CRMP1: variants seen among roughly 807,000 people sequenced by gnomAD.
The protein encoded by CRMP1 is collapsin response mediator protein 1.
In CRMP1, 19 loss-of-function variants were observed where a neutral mutation model predicts 68.3. The ratio of observed to expected loss-of-function variants is 0.28; its 90% CI spans 0.19 to 0.41. The LOEUF (loss-of-function observed/expected upper bound fraction) is 0.41, where lower values mean the gene tolerates loss of function less well. Among genes scored for constraint, CRMP1 ranks in the 10% least tolerant of loss-of-function variants. The pLI is 1.00. For missense variants in CRMP1, 791 were observed against 967.4 expected (o/e 0.82, Z 2.42); for synonymous variants, 439 against 399.6 (o/e 1.10, Z -1.18).
Position 5,875,828 on chromosome 4 carries a change from T to G in CRMP1, c.382-9072A>C, listed in dbSNP as rs370036015. On this transcript the variant is annotated intron_variant, in intron 1 of 13. Coordinates refer to ENST00000324989, the MANE Select transcript of CRMP1 (RefSeq NM_001014809.3). Reference sequence around the variant, plus strand: ...CTACCACATCCAACCTTATAGTTTCTTACTGCTTTTCTTTCTCAGCTTCTT... The same window carrying G: ...CTACCACATCCAACCTTATAGTTTCGTACTGCTTTTCTTTCTCAGCTTCTT... 1.4e-3 allele frequency among the ~76,000 whole-genome samples: 199 copies of G among 147,128 alleles called. 3 individuals are homozygous for G. In the South Asian group the frequency reaches 0.029, roughly 21 times the overall value.
chr4:5,862,727 T>G (rs866925520), intron 2 of CRMP1, among the ~76,000 whole-genome samples: 1 of 152,214 alleles, frequency 6.6e-6, no homozygotes, highest in Non-Finnish European at 1.5e-5. Flanking sequence ...CACGTGAGTG[T>G]CAGCGGAATC....
intron 8 of CRMP1, among the ~76,000 whole-genome samples, chr4:5,840,752 T>A (rs1414161167): frequency 6.6e-6 from 1 of 152,226 alleles, no homozygotes; most frequent in Non-Finnish European, 1.5e-5. Flanking sequence ...GCTTCCAGAT[T>A]TCTGTAACCT....
chr4:5,833,205 C>T lies in CRMP1; in HGVS notation c.1623+2710G>A, dbSNP rs1024713096. 1.3e-4 allele frequency among the ~76,000 whole-genome samples: 16 copies of T among 120,342 alleles called. 2 individuals carry two copies. Among genetic ancestry groups the T allele is most frequent in the Non-Finnish European group, 2.5e-4 (15 of 59,642 alleles). The allele number at this position is 120,342 out of a possible 152,430, so 78.9% of individuals were successfully genotyped here. ...TTTTTGAGACGGAGTCTCGCTCTGT[C>T]GCCCAGGCTGGAGTGCAGTGGTGGG... On this transcript the variant is annotated intron_variant, in intron 11 of 13. Transcript: ENST00000324989.
intron 3 of CRMP1, among the ~76,000 whole-genome samples, chr4:5,856,895 CATCATT>C (rs1713121626): frequency 6.7e-6 from 1 of 150,268 alleles, no homozygotes; most frequent in African/African-American, 2.5e-5. Flanking sequence ...CCACCATCAT[CATCATT>C]ACTAACATTA....
At chr4:5,887,079 G>A (rs6841330) in intron 1 of CRMP1, among the ~76,000 whole-genome samples, 2,356 of 152,308 alleles carry the variant, frequency 0.015, 61 homozygotes, top group African/African-American at 0.053. Context: ...TTCCTGTGGT[G>A]GAAGCCCTCA....
In CRMP1 at chr4:5,879,151, C is replaced by T. The variant is rs1255128602; in HGVS notation, c.382-12395G>A. On this transcript the variant is annotated intron_variant, in intron 1 of 13. Transcript: ENST00000324989. This position sits in a 1 kb window ranked among gnomAD's most constrained non-coding sequence, Gnocchi z 4.2. ...GCTCACCTCCTAGGCTCTTCCCGGCCTGAGCCCGGCCCTCTCTCGGCCGCG... is the reference window on the plus strand; with the variant it reads ...GCTCACCTCCTAGGCTCTTCCCGGCTTGAGCCCGGCCCTCTCTCGGCCGCG... Among the ~76,000 whole-genome samples, 1 of 149,604 alleles carries T rather than the reference C, an allele frequency of 6.7e-6. No individual in the cohort carries two copies. Among genetic ancestry groups the T allele is most frequent in the Non-Finnish European group, 1.5e-5 (1 of 67,038 alleles).
chr4:5,835,686 G>A (rs1720681622), intron 11 of CRMP1, among the ~76,000 whole-genome samples: 1 of 152,234 alleles, frequency 6.6e-6, no homozygotes, highest in African/African-American at 2.4e-5. Context: ...GACAGAGAGA[G>A]AGGAGAGGAA....
rs1327934000 is a variant in CRMP1, at chr4:5,889,545, G to C, written c.381+3044C>G. The C allele has an allele frequency of 1.7e-5, 26 of 1,531,554 alleles. No homozygotes were observed. Among genetic ancestry groups the C allele is most frequent in the Non-Finnish European group, 1.2e-5 (14 of 1,142,956 alleles). The allele number at this position is 1,531,554 out of a possible 1,614,324, so 94.9% of individuals were successfully genotyped here. A position where few individuals can be genotyped will look rare whatever the true frequency, so the allele number is the denominator to read the frequency against. ...CAGAGGGGAAAAGATGAAAGAAGAT[G>C]GAGGAAAAGGGGGAGCCCCAGCAAG... On this transcript the variant is annotated intron_variant, in intron 1 of 13. Coordinates refer to ENST00000324989, the MANE Select transcript of CRMP1 (RefSeq NM_001014809.3). This position sits in a 1 kb window ranked among gnomAD's most constrained non-coding sequence, Gnocchi z 4.5.
At position 5,881,690 on chromosome 4, in the gene CRMP1, GC is replaced by G. The variant is rs1205573434; in HGVS notation, c.381+10898del. Among the ~76,000 whole-genome samples, 1 of 152,058 alleles carries G rather than the reference GC, an allele frequency of 6.6e-6. No homozygotes were observed. The highest frequency in any genetic ancestry group is 1.5e-5 in the Non-Finnish European group (1 of 68,028). On this transcript the variant is annotated intron_variant, in intron 1 of 13. Coordinates refer to ENST00000324989, the MANE Select transcript of CRMP1 (RefSeq NM_001014809.3). This position sits in a 1 kb window ranked among gnomAD's most constrained non-coding sequence, Gnocchi z 4.6. Reference sequence around the variant, plus strand: ...ATCTCTCTGCTTGTGAATACTCAGGGCTCCACCTGAGAGATGCTACAATAAT... The same window carrying G: ...ATCTCTCTGCTTGTGAATACTCAGGGTCCACCTGAGAGATGCTACAATAAT...
At position 5,825,111 on chromosome 4, in the gene CRMP1, A is replaced by G. The variant is rs17748512; in HGVS notation, c.1969+383T>C. 0.056 allele frequency: 55,016 copies of G among 985,356 alleles called. 1,579 individuals are homozygous for G. The highest frequency in any genetic ancestry group is 0.063 in the African/African-American group (3,593 of 57,340). 61.0% of individuals were successfully genotyped at this position (985,356 alleles called of 1,614,324 possible). ...CAGTGGGTGAACAGGCTAAAGACTTACACAGAGCACATGCCCTGCAAATGG... is the reference window on the plus strand; with the variant it reads ...CAGTGGGTGAACAGGCTAAAGACTTGCACAGAGCACATGCCCTGCAAATGG... On this transcript the variant is annotated intron_variant, in intron 13 of 13. Transcript: ENST00000324989. The surrounding 1 kb of genome is among the most constrained non-coding windows in gnomAD (Gnocchi z 4.4).
rs1715825459 is a variant in CRMP1, at chr4:5,889,171, G to C, written c.381+3418C>G. 6.6e-6 allele frequency among the ~76,000 whole-genome samples: 1 copy of C among 152,102 alleles called. No individual in the cohort carries two copies. ...ACCAGCCCTCCCTGGGGGCCTCTAA[G>C]GTGGAGCCCCCTAACTGGCAGAGGG... is the stretch of plus-strand genomic sequence containing the variant. On this transcript the variant is annotated intron_variant, in intron 1 of 13. Coordinates refer to ENST00000324989, the MANE Select transcript of CRMP1 (RefSeq NM_001014809.3). This position sits in a 1 kb window ranked among gnomAD's most constrained non-coding sequence, Gnocchi z 4.5.
At chr4:5,828,364 T>A in intron 12 of CRMP1, 125 bp downstream of exon 12, 1 of 1,442,774 alleles carries the variant, frequency 6.9e-7, no homozygotes, top group Non-Finnish European at 9.1e-7. Flanking sequence ...ATTTAACAGA[T>A]AAGGAAACGG....
At position 5,841,072 on chromosome 4, in the gene CRMP1, A is replaced by C. The variant is rs1711686068; in HGVS notation, c.1153+236T>G. On this transcript the variant is annotated intron_variant, in intron 8 of 13. Transcript: ENST00000324989. The surrounding 1 kb of genome is among the most constrained non-coding windows in gnomAD (Gnocchi z 6.9). ...AATTAATATGTGGATCCATTAGATT[A>C]AACATAATATATTATTAAAATTCTC... 6.6e-6 allele frequency among the ~76,000 whole-genome samples: 1 copy of C among 152,216 alleles called. No homozygotes were observed. Among genetic ancestry groups the C allele is most frequent in the African/African-American group, 2.4e-5 (1 of 41,458 alleles).
chr4:5,836,479 C>G (rs1257971198), intron 10 of CRMP1, among the ~76,000 whole-genome samples: 1 of 152,230 alleles, frequency 6.6e-6, no homozygotes, highest in Non-Finnish European at 1.5e-5. Flanking sequence ...CACAGCGTTA[C>G]AGAGCCATTT....
chr4:5,865,280 G>C lies in CRMP1; in HGVS notation c.470+1388C>G, dbSNP rs1225461586. Among the ~76,000 whole-genome samples the C allele has an allele frequency of 1.3e-5, 2 of 151,862 alleles. No homozygotes were observed. The highest frequency in any genetic ancestry group is 2.9e-5 in the Non-Finnish European group (2 of 67,976). On this transcript the variant is annotated intron_variant, in intron 2 of 13. Transcript: ENST00000324989. This position sits in a 1 kb window ranked among gnomAD's most constrained non-coding sequence, Gnocchi z 4.1. Reference sequence around the variant, plus strand: ...GAGGCTGAGCACCCAGCAAATCCAGGTTACAACTCACAGAAAGAGAACTGC... The same window carrying C: ...GAGGCTGAGCACCCAGCAAATCCAGCTTACAACTCACAGAAAGAGAACTGC...
At chr4:5,882,157 T>A (rs562476485) in intron 1 of CRMP1, among the ~76,000 whole-genome samples, 1 of 152,292 alleles carries the variant, frequency 6.6e-6, no homozygotes, top group East Asian at 1.9e-4. Flanking sequence ...TTTGTGCTTC[T>A]CTCCCACCGA....
At position 5,859,104 on chromosome 4, in the gene CRMP1, C is replaced by T. The variant is rs1247411439; in HGVS notation, c.655+1922G>A. 1.3e-5 allele frequency among the ~76,000 whole-genome samples: 2 copies of T among 152,212 alleles called. No homozygotes were observed. Among genetic ancestry groups the T allele is most frequent in the African/African-American group, 4.8e-5 (2 of 41,446 alleles). On this transcript the variant is annotated intron_variant, in intron 3 of 13. Transcript: ENST00000324989. This position sits in a 1 kb window ranked among gnomAD's most constrained non-coding sequence, Gnocchi z 5.2. ...AGTCATACATGTGGACGATTAGTGA[C>T]TCCCCAAGAGATGGCAGTCCCCTTG... is the stretch of plus-strand genomic sequence containing the variant.
chr4:5,867,309 T>C (rs1714066125), intron 1 of CRMP1, among the ~76,000 whole-genome samples: 1 of 152,176 alleles, frequency 6.6e-6, no homozygotes, highest in Non-Finnish European at 1.5e-5. Context: ...TGCCTCATCA[T>C]CTCGGCAGCC....
chr4:5,839,438 C>A (rs1196134168), intron 9 of CRMP1, 84 bp downstream of exon 9: 9 of 1,506,322 alleles, frequency 6.0e-6, no homozygotes, highest in Non-Finnish European at 8.1e-6. Flanking sequence ...TGAGTCCAAA[C>A]CAGCCTGCGG....
Sources: gnomAD v4.1 joint callset for allele counts (sites outside exome capture counted in the v4.1 genomes callset) on GRCh38, gnomAD v4.1.1 for gene constraint, Gnocchi (gnomAD v3.1) non-coding constraint, MANE v1.5 for transcripts, NCBI Gene and HGNC (gene_info 2026-07-23, HGNC 2026-07-21) for gene names.